Variants in TLL2 observed in about 807,000 individuals in gnomAD.
TLL2 encodes tolloid-like protein 2.
Under a neutral mutation model 123.0 loss-of-function variants are expected in TLL2, and 106 were observed. The ratio of observed to expected loss-of-function variants is 0.86; its 90% CI spans 0.74 to 1.01. TLL2 has a LOEUF of 1.01. Ranked by LOEUF, TLL2 falls within the 50% of genes least tolerant of loss-of-function variation. The pLI is 0.00. For synonymous variants in TLL2, 494 were observed against 516.8 expected (o/e 0.96, Z 0.60); for missense variants, 1,332 against 1,336.7 (o/e 1.00, Z 0.06).
At chr10:96,472,531 G>A (rs1847193959) in intron 2 of TLL2, among the ~76,000 whole-genome samples, 1 of 152,126 alleles carries the variant, frequency 6.6e-6, no homozygotes, top group African/African-American at 2.4e-5. Flanking sequence ...GGAGGCTGAG[G>A]CAGGAGGATT....
chr10:96,405,196 T>C (rs1160919604), intron 10 of TLL2, 36 bp downstream of exon 10: 2 of 1,587,042 alleles, frequency 1.3e-6, no homozygotes, highest in Non-Finnish European at 8.7e-7. Context: ...GAACATCCCA[T>C]CACTCCTCTC....
At chr10:96,473,806 C>T (rs1281326496) in intron 2 of TLL2, among the ~76,000 whole-genome samples, 4 of 152,148 alleles carry the variant, frequency 2.6e-5, no homozygotes, top group Non-Finnish European at 5.9e-5. Flanking sequence ...ATGTGCCCAA[C>T]GCAGACTTCC....
At chr10:96,425,909 T>C (rs1424821097) in intron 5 of TLL2, among the ~76,000 whole-genome samples, 1 of 152,064 alleles carries the variant, frequency 6.6e-6, no homozygotes, top group Non-Finnish European at 1.5e-5. Context: ...CCTAAACATC[T>C]TAAACTTGTT....
rs1285354320 is a variant in TLL2, at chr10:96,476,248, T to TTTTTTTTTTTTTTG, written c.286+4100_286+4101insCAAAAAAAAAAAAA. On this transcript the variant is annotated intron_variant, in intron 2 of 20. Transcript: ENST00000357947. ...TATATATATATATATATATTTTATTTTTGTTGTTGTTGTTGTTGTTGAGAC... is the reference window on the plus strand; with the variant it reads ...TATATATATATATATATATTTTATTTTTTTTTTTTTTTTGTTGTTGTTGTTGTTGTTGTTGAGAC... 6.4e-4 allele frequency among the ~76,000 whole-genome samples: 44 copies of TTTTTTTTTTTTTTG among 69,208 alleles called. 3 individuals are homozygous for TTTTTTTTTTTTTTG. The highest frequency in any genetic ancestry group is 2.1e-3 in the African/African-American group (34 of 16,056). The allele number at this position is 69,208 out of a possible 152,430, so 45.4% of individuals were successfully genotyped here.
intron 1 of TLL2, among the ~76,000 whole-genome samples, chr10:96,493,707 T>A (rs1229314827): frequency 6.6e-6 from 1 of 152,078 alleles, no homozygotes; most frequent in African/African-American, 2.4e-5. Context: ...TACAGTATGC[T>A]ACCCCTTCCA....
At chr10:96,473,468 C>T (rs1847204702) in intron 2 of TLL2, among the ~76,000 whole-genome samples, 1 of 152,036 alleles carries the variant, frequency 6.6e-6, no homozygotes, top group South Asian at 2.1e-4. Flanking sequence ...AGAAAGCGTC[C>T]CCATGATTCA....
chr10:96,422,460 C>G, intron 6 of TLL2, 89 bp downstream of exon 6: 1 of 1,480,216 alleles, frequency 6.8e-7, no homozygotes, highest in Non-Finnish European at 9.2e-7. Flanking sequence ...TGCTCAGCTC[C>G]CAGCAAGTCC....
Position 96,365,839 on chromosome 10 carries a change from A to C in TLL2, c.*2249T>G. ...CAGAAGGCCTAAATAAAGGTTTTTCATAAGAGTCCCATTGTTGCAAATTGG... is the reference window on the plus strand; with the variant it reads ...CAGAAGGCCTAAATAAAGGTTTTTCCTAAGAGTCCCATTGTTGCAAATTGG... On this transcript the variant is annotated 3_prime_UTR_variant, in exon 21 of 21. Transcript: ENST00000357947. 1 of 152,212 alleles carries C rather than the reference A, an allele frequency of 6.6e-6. No individual in the cohort carries two copies. Among genetic ancestry groups the C allele is most frequent in the East Asian group, 1.9e-4 (1 of 5,204 alleles). 9.4% of individuals were successfully genotyped at this position (152,212 alleles called of 1,614,324 possible).
At position 96,458,587 on chromosome 10, in the gene TLL2, C is replaced by CAAA. The variant is rs55819031; in HGVS notation, c.287-12422_287-12420dup. Among the ~76,000 whole-genome samples, 92 of 46,004 alleles carry CAAA rather than the reference C, an allele frequency of 2.0e-3. 5 individuals are homozygous for CAAA. The highest frequency in any genetic ancestry group is 2.7e-3 in the Non-Finnish European group (72 of 26,440). The allele number at this position is 46,004 out of a possible 152,430, so 30.2% of individuals were successfully genotyped here. A position where few individuals can be genotyped will look rare whatever the true frequency, so the allele number is the denominator to read the frequency against. Reference sequence around the variant, plus strand: ...GGGGGACAAGAGCGAGACTTCGTCTCAAAAAAAAAAAAAAAAAAAAAAAAA... The same window carrying CAAA: ...GGGGGACAAGAGCGAGACTTCGTCTCAAAAAAAAAAAAAAAAAAAAAAAAAAAA... On this transcript the variant is annotated intron_variant, in intron 2 of 20. Coordinates refer to ENST00000357947, the MANE Select transcript of TLL2 (RefSeq NM_012465.4).
At chr10:96,432,593 G>A (rs557370394) in intron 4 of TLL2, among the ~76,000 whole-genome samples, 1 of 152,252 alleles carries the variant, frequency 6.6e-6, no homozygotes, top group East Asian at 1.9e-4. Flanking sequence ...GGGGAGCAAG[G>A]TAACCAACTT....
intron 7 of TLL2, 75 bp from the exon 8 acceptor site, chr10:96,413,391 A>G (rs1185767006): frequency 1.3e-6 from 2 of 1,550,056 alleles, no homozygotes; most frequent in Non-Finnish European, 1.7e-6. Context: ...TCTAGGCTTC[A>G]TTCCCTTGCC....
At chr10:96,486,150 T>C (rs12257958) in intron 1 of TLL2, among the ~76,000 whole-genome samples, 2 of 152,318 alleles carry the variant, frequency 1.3e-5, no homozygotes, top group Admixed American at 6.5e-5. Flanking sequence ...GTTTAAATAC[T>C]TATTTTGCTC....
intron 19 of TLL2, among the ~76,000 whole-genome samples, chr10:96,371,146 A>G (rs1846079557): frequency 6.6e-6 from 1 of 151,752 alleles, no homozygotes; most frequent in South Asian, 2.1e-4. Flanking sequence ...ACATGGTGAA[A>G]CCCTGTCTCT....
chr10:96,513,693 C>T lies in TLL2; in HGVS notation c.-8G>A. 6.6e-7 allele frequency: 1 copy of T among 1,513,256 alleles called. No homozygotes were observed. Among genetic ancestry groups the T allele is most frequent in the Non-Finnish European group, 8.8e-7 (1 of 1,135,730 alleles). 93.7% of individuals were successfully genotyped at this position (1,513,256 alleles called of 1,614,324 possible). On this transcript the variant is annotated 5_prime_UTR_variant, in exon 1 of 21. Transcript: ENST00000357947. ...TGCAGTCGCCCGGGGCATGGTGGCG[C>T]GGGGCCGGCTGGGGCAGAGGGAGTT...
At chr10:96,410,606 T>C (rs1228127572) in intron 8 of TLL2, 132 bp from the exon 9 acceptor site, 1 of 738,984 alleles carries the variant, frequency 1.4e-6, no homozygotes. Context: ...GTGAGAAGTG[T>C]AGCAAGCAGA....
intron 2 of TLL2, among the ~76,000 whole-genome samples, chr10:96,472,924 T>C (rs1847198843): frequency 6.6e-6 from 1 of 152,176 alleles, no homozygotes; most frequent in Admixed American, 6.5e-5. Flanking sequence ...TGGTGTTCAA[T>C]GCCTACCTTT....
chr10:96,507,393 C>G (rs1408124473), intron 1 of TLL2, among the ~76,000 whole-genome samples: 1 of 152,110 alleles, frequency 6.6e-6, no homozygotes, highest in East Asian at 1.9e-4. Context: ...CCCTTCACTA[C>G]TTTTGAGACT....
chr10:96,447,008 A>G (rs1460567005), intron 2 of TLL2, among the ~76,000 whole-genome samples: 1 of 152,234 alleles, frequency 6.6e-6, no homozygotes, highest in Non-Finnish European at 1.5e-5. Flanking sequence ...TGCTCTGAAG[A>G]AGATCAAAAC....
chr10:96,431,952 G>A (rs752010214), intron 4 of TLL2, among the ~76,000 whole-genome samples: 23 of 152,040 alleles, frequency 1.5e-4, no homozygotes, highest in African/African-American at 4.6e-4. Context: ...AGGGGGGCAC[G>A]TCTTGGGATG....
Sources: allele counts gnomAD v4.1 joint callset (sites outside exome capture counted in the v4.1 genomes callset), GRCh38; gene constraint gnomAD v4.1.1; transcripts MANE v1.5; gene names NCBI Gene and HGNC (gene_info 2026-07-23, HGNC 2026-07-21).